MMP13: variants seen among roughly 807,000 people sequenced by gnomAD.
The protein encoded by MMP13 is matrix metallopeptidase 13, also known as collagenase 3.
A neutral mutation model predicts 52.1 loss-of-function variants in MMP13; 45 were observed. The observed-to-expected ratio is 0.86, with a 90% CI of 0.68 to 1.11. The LOEUF (loss-of-function observed/expected upper bound fraction) is 1.11. Among genes scored for constraint, MMP13 ranks in the 50% least tolerant of loss-of-function variants. MMP13 has a pLI of 0.00. For synonymous variants in MMP13, 200 were observed against 204.4 expected (o/e 0.98, Z 0.18); for missense variants, 576 against 583.8 (o/e 0.99, Z 0.14).
At chr11:102,945,899 G>A (rs1591153402) in intron 8 of MMP13, 150 bp from the exon 9 acceptor site, 1 of 582,570 alleles carries the variant, frequency 1.7e-6, no homozygotes, top group African/African-American at 1.9e-5. Flanking sequence ...TTTAAAATTA[G>A]GAATGAGAAT....
rs1486055387 is a variant in MMP13 at position 102,943,993 on chromosome 11, T to C, written c.*273A>G. 1 of 403,510 alleles carries C rather than the reference T, an allele frequency of 2.5e-6. No homozygotes were observed. The highest frequency in any genetic ancestry group is 4.7e-6 in the Non-Finnish European group (1 of 211,858). 25.0% of individuals were successfully genotyped at this position (403,510 alleles called of 1,614,324 possible). On this transcript the variant is annotated 3_prime_UTR_variant, in exon 10 of 10. Coordinates refer to ENST00000260302, the MANE Select transcript of MMP13 (RefSeq NM_002427.4). ...CTCATTGACAGACCATGTGTCCCATTTGTGGTGTGGGAAGTATCATCAACC... is the reference window on the plus strand; with the variant it reads ...CTCATTGACAGACCATGTGTCCCATCTGTGGTGTGGGAAGTATCATCAACC...
Position 102,949,010 on chromosome 11 carries a change from C to G in MMP13, c.1051+15G>C. The G allele has an allele frequency of 1.2e-6, 2 of 1,613,536 alleles. No individual in the cohort carries two copies. Among genetic ancestry groups the G allele is most frequent in the Non-Finnish European group, 8.5e-7 (1 of 1,179,644 alleles). ...CCCCTGGTCTTGTGTGAGGACTCCT[C>G]TGTGGAAAGCTTACCTCTGAAGATG... On this transcript the variant is annotated intron_variant, in intron 7 of 9. Transcript: ENST00000260302. The surrounding 1 kb of genome is among the most constrained non-coding windows in gnomAD (Gnocchi z 4.2).
rs755164262 is a variant in MMP13 at position 102,955,388 on chromosome 11, C to A, written c.226G>T (p.Gly76Cys). The stretch of plus-strand genomic sequence containing the variant: ...TCAAGTTTGCCAGTCACCTCTAAGC[C>A]GAAGAAAGACTGCATTTCTCGGAGC... The part of the protein sequence containing the change: ...ERLREMQSFF[G>C]LEVTGKLDDN... The change falls in exon 2 of 10, where the codon GGC becomes TGC. Residue 76 changes from glycine to cysteine, a missense_variant. Physicochemically the swap from Gly to Cys is radical, Grantham distance 159 (BLOSUM62 -3). Transcript: ENST00000260302. The surrounding 1 kb of genome is among the most constrained non-coding windows in gnomAD (Gnocchi z 4.9). The A allele has an allele frequency of 8.1e-6, 13 of 1,613,762 alleles. No homozygotes were observed. The East Asian group carries it at 2.2e-4, about 28-fold the overall frequency.
In MMP13 at chr11:102,950,203, G is replaced by T. The variant is rs1555017158; in HGVS notation, c.824C>A (p.Pro275His). The change falls in exon 6 of 10, where the codon CCT becomes CAT. Residue 275 changes from proline to histidine, a missense_variant. Transcript: ENST00000260302. ...TTTGTCTGGCGTTTTTGGATGTTTA[G>T]GGTTGGGGTCTTCATCTCCTGGACC... Reference protein sequence around the residue: ...LYGPGDEDPNPKHPKTPDKCD... With the variant: ...LYGPGDEDPNHKHPKTPDKCD... 6.2e-7 allele frequency: 1 copy of T among 1,613,770 alleles called. No individual in the cohort carries two copies. The highest frequency in any genetic ancestry group is 1.1e-5 in the South Asian group (1 of 91,086).
chr11:102,947,063 C>T (rs997743074), intron 8 of MMP13, among the ~76,000 whole-genome samples: 1 of 152,302 alleles, frequency 6.6e-6, no homozygotes, highest in Non-Finnish European at 1.5e-5. Context: ...AACATTCCAG[C>T]TTCACTCGCC....
Position 102,954,087 on chromosome 11 carries a change from A to G in MMP13, c.637+69T>C, listed in dbSNP as rs1324594443. On this transcript the variant is annotated intron_variant, in intron 4 of 9. Transcript: ENST00000260302. ...AATATATTTAACTTTTATGTGTTTT[A>G]ACTTCATACTAGTGTGTTCACTGTC... The G allele has an allele frequency of 2.3e-5, 36 of 1,568,668 alleles. 1 individual carries two copies. In the Admixed American group the frequency reaches 5.8e-4, roughly 25 times the overall value.
intron 9 of MMP13, among the ~76,000 whole-genome samples, chr11:102,944,893 T>C (rs1555016477): frequency 6.7e-6 from 1 of 148,896 alleles, no homozygotes; most frequent in East Asian, 2.0e-4. Flanking sequence ...AGTGCTCAGA[T>C]TGCAGGCATG....
At chr11:102,945,777 C>A in intron 8 of MMP13, 28 bp from the exon 9 acceptor site, 2 of 1,170,120 alleles carry the variant, frequency 1.7e-6, no homozygotes, top group East Asian at 2.3e-5. Context: ...ACTCCTAAGT[C>A]AGTTATATTT....
At chr11:102,944,426 T>C in intron 9 of MMP13, 60 bp from the exon 10 acceptor site, 1 of 1,196,364 alleles carries the variant, frequency 8.4e-7, no homozygotes, top group East Asian at 2.4e-5. Context: ...TTTAATCCAG[T>C]TAATATTAAT....
intron 9 of MMP13, among the ~76,000 whole-genome samples, chr11:102,944,657 A>G (rs1860467949): frequency 6.6e-6 from 1 of 150,590 alleles, no homozygotes. Context: ...TCCAGGCTAG[A>G]GTGCAGTGGC....
rs993079338 is a variant in MMP13 at position 102,945,582 on chromosome 11, C to T, written c.1315+64G>A. 55 of 1,014,636 alleles carry T rather than the reference C, an allele frequency of 5.4e-5. No homozygotes were observed. The South Asian group carries it at 6.8e-4, about 12-fold the overall frequency. The allele number at this position is 1,014,636 out of a possible 1,614,324, so 62.9% of individuals were successfully genotyped here. A position where few individuals can be genotyped will look rare whatever the true frequency, so the allele number is the denominator to read the frequency against. On this transcript the variant is annotated intron_variant, in intron 9 of 9. Transcript: ENST00000260302. ...AGGTCCTATATAAAAATGCTTTGTACAGAAAAGAGTTTTGAGGGGCTACAG... is the reference window on the plus strand; with the variant it reads ...AGGTCCTATATAAAAATGCTTTGTATAGAAAAGAGTTTTGAGGGGCTACAG...
Position 102,954,156 on chromosome 11 carries a change from C to T in MMP13, c.637G>A (p.Gly213Ser), listed in dbSNP as rs2134521859. 6.2e-7 allele frequency: 1 copy of T among 1,613,220 alleles called. No individual in the cohort carries two copies. Among genetic ancestry groups the T allele is most frequent in the Non-Finnish European group, 8.5e-7 (1 of 1,179,536 alleles). ...DDETWTSSSK[G>S]YNLFLVAAHE... is the part of the protein sequence containing the mutation. ...ATGATATCTTTATAAGAAACATTACCTTTGGAACTACTTGTCCAGGTTTCA... is the reference window on the plus strand; with the variant it reads ...ATGATATCTTTATAAGAAACATTACTTTTGGAACTACTTGTCCAGGTTTCA... Residue 213 changes from glycine to serine, a missense_variant and splice_region_variant, in exon 4 of 10, where the codon GGC becomes AGC. By Grantham distance (56) the Gly-to-Ser change is moderately conservative (BLOSUM62 0). Transcript: ENST00000260302.
intron 5 of MMP13, 39 bp from the exon 6 acceptor site, chr11:102,950,266 A>G: frequency 6.9e-7 from 1 of 1,452,142 alleles, no homozygotes; most frequent in Non-Finnish European, 9.7e-7. Context: ...TATGAGTGTG[A>G]CATTACTGAT....
Position 102,952,467 on chromosome 11 carries a change from A to G in MMP13, c.638-294T>C, listed in dbSNP as rs906084603. 7.9e-5 allele frequency among the ~76,000 whole-genome samples: 12 copies of G among 152,184 alleles called. No homozygotes were observed. The highest frequency in any genetic ancestry group is 1.3e-4 in the Admixed American group (2 of 15,268). On this transcript the variant is annotated intron_variant, in intron 4 of 9. Coordinates refer to ENST00000260302, the MANE Select transcript of MMP13 (RefSeq NM_002427.4). The surrounding 1 kb of genome is among the most constrained non-coding windows in gnomAD (Gnocchi z 4.3). ...TAATTAATAAGGATTTACTGTGAAT[A>G]CATTAGAACTCCTGATTTGCGCTTA...
Position 102,955,548 on chromosome 11 carries a change from G to A in MMP13, c.120+38C>T, listed in dbSNP as rs779461508. On this transcript the variant is annotated intron_variant, in intron 1 of 9. Transcript: ENST00000260302. This position sits in a 1 kb window ranked among gnomAD's most constrained non-coding sequence, Gnocchi z 4.9. ...TAAAAGAGAAGGACATTTCTGAGATGTACCAACCGCATCATCAGGATTGGC... is the reference window on the plus strand; with the variant it reads ...TAAAAGAGAAGGACATTTCTGAGATATACCAACCGCATCATCAGGATTGGC... 1.7e-5 allele frequency: 28 copies of A among 1,613,876 alleles called. No individual in the cohort carries two copies. The highest frequency in any genetic ancestry group is 2.2e-5 in the East Asian group (1 of 44,896).
chr11:102,946,682 A>G (rs1414083188), intron 8 of MMP13, among the ~76,000 whole-genome samples: 1 of 152,236 alleles, frequency 6.6e-6, no homozygotes, highest in African/African-American at 2.4e-5. Context: ...GAGAAGCTTA[A>G]GGGGATATAA....
intron 9 of MMP13, 32 bp downstream of exon 9, chr11:102,945,614 C>T: frequency 7.6e-7 from 1 of 1,315,230 alleles, no homozygotes; most frequent in Non-Finnish European, 1.1e-6. Context: ...ACAGAAGCTC[C>T]TCTTTAAAGT....
chr11:102,953,788 T>G (rs1253898146), intron 4 of MMP13, among the ~76,000 whole-genome samples: 1 of 152,218 alleles, frequency 6.6e-6, no homozygotes, highest in Non-Finnish European at 1.5e-5. Flanking sequence ...GTATGACCCA[T>G]AGATCCAGCC....
rs1191586203 is a variant in MMP13 at position 102,943,762 on chromosome 11, T to C, written c.*504A>G. 6.1e-6 allele frequency: 1 copy of C among 164,130 alleles called. No individual in the cohort carries two copies. Among genetic ancestry groups the C allele is most frequent in the Non-Finnish European group, 1.3e-5 (1 of 75,068 alleles). The allele number at this position is 164,130 out of a possible 1,614,324, so 10.2% of individuals were successfully genotyped here. A position where few individuals can be genotyped will look rare whatever the true frequency, so the allele number is the denominator to read the frequency against. ...GGCACATACATCTGAATATCCTCAG[T>C]GCAAAATGAAAATTATTTATTTGGA... On this transcript the variant is annotated 3_prime_UTR_variant, in exon 10 of 10. Transcript: ENST00000260302.
Sources: allele counts gnomAD v4.1 joint callset (sites outside exome capture counted in the v4.1 genomes callset), GRCh38; gene constraint gnomAD v4.1.1; non-coding constraint Gnocchi (gnomAD v3.1); transcripts MANE v1.5; gene names NCBI Gene and HGNC (gene_info 2026-07-23, HGNC 2026-07-21).